Variants in GALNTL6 observed in about 807,000 individuals in gnomAD.
The protein encoded by GALNTL6 is polypeptide N-acetylgalactosaminyltransferase-like 6.
GALNTL6 carries 46 observed loss-of-function variants against 73.7 expected under a neutral mutation model. That is an observed-to-expected ratio of 0.62 (90% CI 0.49 to 0.80). The LOEUF is 0.80. Ranked by LOEUF, GALNTL6 falls within the 30% of genes least tolerant of loss-of-function variation. The pLI is 0.00. For missense variants in GALNTL6, 604 were observed against 755.0 expected, an observed-to-expected ratio of 0.80 and a Z score of 2.34; for synonymous variants, 259 against 263.7, an observed-to-expected ratio of 0.98 and a Z score of 0.17.
intron 2 of GALNTL6, among the ~76,000 whole-genome samples, chr4:172,044,049 C>T (rs1273090530): frequency 1.3e-5 from 2 of 151,976 alleles, no homozygotes; most frequent in South Asian, 2.1e-4. Context: ...GAGCTTCCCA[C>T]TTAGCTCTTA....
intron 9 of GALNTL6, among the ~76,000 whole-genome samples, chr4:172,945,072 A>G (rs563986876): frequency 2.6e-5 from 4 of 150,996 alleles, no homozygotes; most frequent in Non-Finnish European, 5.9e-5. Flanking sequence ...AAAAAAAAAA[A>G]GAAAAAAAAA....
intron 2 of GALNTL6, among the ~76,000 whole-genome samples, chr4:172,206,332 TAAAG>T (rs1181337459): frequency 6.6e-6 from 1 of 152,030 alleles, no homozygotes; most frequent in Non-Finnish European, 1.5e-5. Flanking sequence ...TCATGAAACA[TAAAG>T]AAAAAGGGAC....
At chr4:172,534,577 ATT>A (rs34159994) in intron 5 of GALNTL6, among the ~76,000 whole-genome samples, 1 of 150,280 alleles carries the variant, frequency 6.7e-6, no homozygotes, top group Non-Finnish European at 1.5e-5. Flanking sequence ...TAAATGAGAA[ATT>A]TTTTTTTTTG....
intron 3 of GALNTL6, among the ~76,000 whole-genome samples, chr4:172,240,765 T>A (rs1442754306): frequency 6.6e-6 from 1 of 152,242 alleles, no homozygotes; most frequent in Non-Finnish European, 1.5e-5. Context: ...CATCCTTAGA[T>A]TCCTTGGATT....
At chr4:172,045,859 C>T (rs1487716414) in intron 2 of GALNTL6, among the ~76,000 whole-genome samples, 3 of 151,810 alleles carry the variant, frequency 2.0e-5, no homozygotes, top group Admixed American at 6.6e-5. Context: ...CCCCTGGTCA[C>T]GCCTCTGTCT....
chr4:172,542,843 A>G (rs1362202218), intron 5 of GALNTL6, among the ~76,000 whole-genome samples: 4 of 152,080 alleles, frequency 2.6e-5, no homozygotes, highest in Non-Finnish European at 5.9e-5. Context: ...CTGTAATCCC[A>G]GCACTTTGGG....
intron 4 of GALNTL6, among the ~76,000 whole-genome samples, chr4:172,325,019 G>A (rs1366569282): frequency 1.3e-5 from 2 of 151,134 alleles, no homozygotes; most frequent in African/African-American, 4.8e-5. Context: ...ATAAATCAAT[G>A]ACTTTGTCAA....
chr4:172,054,772 A>G (rs937013746), intron 2 of GALNTL6, among the ~76,000 whole-genome samples: 8 of 152,314 alleles, frequency 5.3e-5, no homozygotes, highest in Admixed American at 4.6e-4. Flanking sequence ...AGGAAACCTA[A>G]ATAATGATTC....
At chr4:172,948,089 G>A (rs887771926) in intron 9 of GALNTL6, among the ~76,000 whole-genome samples, 1 of 152,190 alleles carries the variant, frequency 6.6e-6, no homozygotes, top group African/African-American at 2.4e-5. Flanking sequence ...GTTGAGGAGT[G>A]AGGGCTATTC....
At chr4:172,567,653 T>A (rs191635137) in intron 5 of GALNTL6, among the ~76,000 whole-genome samples, 3 of 152,162 alleles carry the variant, frequency 2.0e-5, no homozygotes, top group Non-Finnish European at 4.4e-5. Context: ...CTGGCTAACA[T>A]GGTGAAACCC....
intron 5 of GALNTL6, among the ~76,000 whole-genome samples, chr4:172,763,236 G>C (rs1412452075): frequency 1.3e-5 from 2 of 151,734 alleles, no homozygotes; most frequent in African/African-American, 2.4e-5. Context: ...CAAATGCACT[G>C]GTAAAATCTA....
intron 5 of GALNTL6, among the ~76,000 whole-genome samples, chr4:172,448,135 G>A (rs981329497): frequency 2.6e-5 from 4 of 152,134 alleles, no homozygotes; most frequent in African/African-American, 9.7e-5. Flanking sequence ...ATCAGGAATA[G>A]AGCCAGCGCT....
At chr4:172,817,375 G>A (rs997644200) in intron 7 of GALNTL6, among the ~76,000 whole-genome samples, 29 of 151,876 alleles carry the variant, frequency 1.9e-4, no homozygotes, top group African/African-American at 7.0e-4. Context: ...AGGTTTCAGT[G>A]AGCCATGATC....
chr4:172,561,985 C>T (rs975789871), intron 5 of GALNTL6, among the ~76,000 whole-genome samples: 1 of 152,196 alleles, frequency 6.6e-6, no homozygotes, highest in African/African-American at 2.4e-5. Flanking sequence ...TGATTCAGAT[C>T]TGGATTTTGC....
chr4:172,552,858 G>GAAAAAAAAC (rs1553960385), intron 5 of GALNTL6, among the ~76,000 whole-genome samples: 1 of 119,974 alleles, frequency 8.3e-6, no homozygotes, highest in Non-Finnish European at 1.6e-5. Context: ...AAAAAAAAAA[G>GAAAAAAAAC]GTAAAAACCG....
intron 5 of GALNTL6, among the ~76,000 whole-genome samples, chr4:172,406,759 G>A (rs1744252277): frequency 6.6e-6 from 1 of 151,836 alleles, no homozygotes; most frequent in Admixed American, 6.6e-5. Flanking sequence ...TTAAATTATT[G>A]CTATAATAAA....
chr4:172,879,914 C>T (rs1414210320), intron 7 of GALNTL6, among the ~76,000 whole-genome samples: 1 of 151,936 alleles, frequency 6.6e-6, no homozygotes, highest in Non-Finnish European at 1.5e-5. Context: ...AACACTTTAA[C>T]ATTATTAATA....
chr4:172,880,509 TGAGAA>T (rs1210154057), intron 7 of GALNTL6, among the ~76,000 whole-genome samples: 1 of 151,960 alleles, frequency 6.6e-6, no homozygotes, highest in Non-Finnish European at 1.5e-5. Context: ...TGGAAGGAAA[TGAGAA>T]GAGATTACAA....
chr4:172,398,296 A>G (rs896606649), intron 5 of GALNTL6, among the ~76,000 whole-genome samples: 2 of 152,326 alleles, frequency 1.3e-5, no homozygotes, highest in South Asian at 2.1e-4. Flanking sequence ...TGATGGACCA[A>G]TGTTAAAATG....
Sources: allele counts gnomAD v4.1 joint callset (sites outside exome capture counted in the v4.1 genomes callset), GRCh38; gene constraint gnomAD v4.1.1; transcripts MANE v1.5; gene names NCBI Gene and HGNC (gene_info 2026-07-23, HGNC 2026-07-21).